SYNPO: variants seen among roughly 807,000 people sequenced by gnomAD.
SYNPO encodes synaptopodin.
In SYNPO, 19 loss-of-function variants were observed where a neutral mutation model predicts 49.5. The observed-to-expected ratio is 0.38, with a 90% CI of 0.27 to 0.56. SYNPO has a LOEUF of 0.56. Among genes scored for constraint, SYNPO ranks in the 20% least tolerant of loss-of-function variants. The pLI is 0.68. For missense variants in SYNPO, 1,131 were observed against 1,248.3 expected (o/e 0.91, Z 1.42); for synonymous variants, 536 against 548.0 (o/e 0.98, Z 0.31).
At chr5:150,624,635 G>A (rs935982595) in intron 2 of SYNPO, 28 of 159,960 alleles carry the variant, frequency 1.8e-4, no homozygotes, top group Admixed American at 3.9e-4. Context: ...GGGCGGGAGG[G>A]GCGGCGCTAG....
intron 2 of SYNPO, among the ~76,000 whole-genome samples, chr5:150,634,861 CA>C (rs1561646415): frequency 3.0e-5 from 2 of 67,674 alleles, no homozygotes; most frequent in South Asian, 4.1e-4. Flanking sequence ...CACACACACA[CA>C]CCACACACAC....
At chr5:150,650,619 C>T in intron 2 of SYNPO, 2 of 1,448,096 alleles carry the variant, frequency 1.4e-6, no homozygotes, top group South Asian at 3.0e-5. Flanking sequence ...GGTAGAGGGG[C>T]ATCCTCTGGC....
At chr5:150,635,678 G>T (rs1757692269), upstream of SYNPO, among the ~76,000 whole-genome samples, 1 of 152,178 alleles carries the variant, frequency 6.6e-6, no homozygotes, top group Non-Finnish European at 1.5e-5. Context: ...GGCCAGGCTG[G>T]TCTTGAACTC....
chr5:150,616,565 C>T (rs183557627), intron 1 of SYNPO, among the ~76,000 whole-genome samples: 153 of 152,314 alleles, frequency 1.0e-3, no homozygotes, highest in African/African-American at 3.5e-3. Flanking sequence ...ATATTTGTCC[C>T]CAGCCTGGAA....
chr5:150,604,905 A>G (rs1295696513), intron 1 of SYNPO, among the ~76,000 whole-genome samples: 1 of 151,924 alleles, frequency 6.6e-6, no homozygotes, highest in East Asian at 1.9e-4. Flanking sequence ...AAGAGCACCA[A>G]CTCTTCTGCA....
chr5:150,599,228 C>T (rs770470804), upstream of SYNPO, among the ~76,000 whole-genome samples: 6 of 152,216 alleles, frequency 3.9e-5, no homozygotes, highest in Non-Finnish European at 7.3e-5. Flanking sequence ...TTGAGTGAAA[C>T]GACGATCTCT....
At chr5:150,588,563 C>T in the SYNPO span, among the ~76,000 whole-genome samples, 3 of 152,150 alleles carry the variant, frequency 2.0e-5, no homozygotes, top group Non-Finnish European at 2.9e-5. Context: ...GCCCCAGACA[C>T]CCAGGATTGT....
At position 150,649,521 on chromosome 5, in the gene SYNPO, G is replaced by A. The variant is rs200584473; in HGVS notation, c.1246G>A (p.Val416Met). Residue 416 changes from valine to methionine, a missense_variant, in exon 2 of 3, where the codon GTG becomes ATG. This residue lies in a region of SYNPO where 602 missense variants were observed against 720.7 expected (regional missense o/e 0.84). Coordinates refer to ENST00000307662, the MANE Select transcript of SYNPO (RefSeq NM_007286.6). Reference sequence around the variant, plus strand: ...GCAGAGGGACCAGGGGGAGGTAGGCGTGGAGGAGGAGCCCTTCGCACTGGG... The same window carrying A: ...GCAGAGGGACCAGGGGGAGGTAGGCATGGAGGAGGAGCCCTTCGCACTGGG... ...RRQRDQGEVG[V>M]EEEPFALGAE... 3.1e-5 allele frequency: 50 copies of A among 1,611,734 alleles called. No homozygotes were observed. Among genetic ancestry groups the A allele is most frequent in the Non-Finnish European group, 3.4e-5 (40 of 1,179,052 alleles).
At chr5:150,610,241 A>G (rs77419693) in intron 1 of SYNPO, among the ~76,000 whole-genome samples, 5,736 of 152,220 alleles carry the variant, frequency 0.038, 155 homozygotes, top group East Asian at 0.12. Context: ...TTGTGCAGGG[A>G]GGTCACCAAA....
At chr5:150,604,545 C>T (rs553065297) in intron 1 of SYNPO, among the ~76,000 whole-genome samples, 47 of 152,200 alleles carry the variant, frequency 3.1e-4, no homozygotes, top group Admixed American at 1.6e-3. Flanking sequence ...CCATATCTAC[C>T]GGTGGCAATG....
At chr5:150,607,179 A>G (rs2151342071) in intron 1 of SYNPO, among the ~76,000 whole-genome samples, 1 of 152,268 alleles carries the variant, frequency 6.6e-6, no homozygotes, top group East Asian at 1.9e-4. Flanking sequence ...GCCTAGGTAC[A>G]GGATGTGGGA....
intron 1 of SYNPO, among the ~76,000 whole-genome samples, chr5:150,602,997 G>GTGTGTGTGT (rs1554106604): frequency 7.6e-6 from 1 of 131,184 alleles, no homozygotes; most frequent in African/African-American, 3.0e-5. Flanking sequence ...GCCACCTTAG[G>GTGTGTGTGT]GTGTGTGTGT....
intron 1 of SYNPO, among the ~76,000 whole-genome samples, chr5:150,603,380 C>G (rs573382496): frequency 1.3e-5 from 2 of 152,352 alleles, no homozygotes; most frequent in South Asian, 2.1e-4. Context: ...GGGGGGGCCC[C>G]TTGGCAAAGC....
rs543418540 is a variant in SYNPO at position 150,610,998 on chromosome 5, G to GT, written c.-265-7097dup. On this transcript the variant is annotated intron_variant, in intron 1 of 2. Transcript: ENST00000394243. ...AGTTTGTCACCTAATGTTGGTTTGT[G>GT]TTTTTTTTATAATTGCATATGAGGA... Among the ~76,000 whole-genome samples, 8 of 151,968 alleles carry GT rather than the reference G, an allele frequency of 5.3e-5. No individual in the cohort carries two copies. In the East Asian group the frequency reaches 5.8e-4, roughly 11 times the overall value.
In SYNPO at chr5:150,610,376, A is replaced by T. The variant is rs189222523; in HGVS notation, c.-265-7727A>T. ...TCAGAAAACCTCCAGTGACCACGCC[A>T]GGCCACAGACACCGGTCAGGTTCCA... On this transcript the variant is annotated intron_variant, in intron 1 of 2. Transcript: ENST00000394243. 1.6e-3 allele frequency among the ~76,000 whole-genome samples: 243 copies of T among 152,344 alleles called. 3 individuals carry two copies. Among genetic ancestry groups the T allele is most frequent in the African/African-American group, 5.7e-3 (237 of 41,578 alleles).
intron 2 of SYNPO, among the ~76,000 whole-genome samples, chr5:150,632,842 A>G (rs574035751): frequency 1.3e-5 from 2 of 152,324 alleles, no homozygotes; most frequent in South Asian, 4.2e-4. Flanking sequence ...GTGAGTCAAC[A>G]GGATTACATT....
rs1456375010 is a variant in SYNPO, at chr5:150,650,970, C to T, written c.2028+667C>T. The stretch of plus-strand genomic sequence containing the variant: ...TCCTTCTGCTGGCTGCGGACTCGGC[C>T]CACCACTGCTGTCTGACGCTTTTCT... On this transcript the variant is annotated intron_variant, in intron 2 of 2. Coordinates refer to ENST00000307662, the MANE Select transcript of SYNPO (RefSeq NM_007286.6). 5.6e-6 allele frequency: 7 copies of T among 1,252,862 alleles called. No homozygotes were observed. The East Asian group carries it at 2.2e-4, about 39-fold the overall frequency. 77.6% of individuals were successfully genotyped at this position (1,252,862 alleles called of 1,614,324 possible).
upstream of SYNPO, among the ~76,000 whole-genome samples, chr5:150,596,811 G>T (rs1756432757): frequency 6.6e-6 from 1 of 152,150 alleles, no homozygotes; most frequent in Non-Finnish European, 1.5e-5. Context: ...GATCCCCCAT[G>T]CAAAGACCCA....
At chr5:150,591,964 G>A in the SYNPO span, among the ~76,000 whole-genome samples, 2 of 152,102 alleles carry the variant, frequency 1.3e-5, no homozygotes, top group African/African-American at 2.4e-5. Flanking sequence ...TCAGGAGTTC[G>A]AGACCAGCCT....
Sources: gnomAD v4.1 joint callset for allele counts (sites outside exome capture counted in the v4.1 genomes callset) on GRCh38, gnomAD v4.1.1 for gene constraint, gnomAD v4.1.1 regional missense constraint, MANE v1.5 for transcripts, NCBI Gene and HGNC (gene_info 2026-07-23, HGNC 2026-07-21) for gene names.